The following SNX29 variants were observed in gnomAD, a reference collection of about 807,000 sequenced individuals.
SNX29 encodes sorting nexin-29.
In SNX29, 78 loss-of-function variants were observed where a neutral mutation model predicts 102.1. The ratio of observed to expected loss-of-function variants is 0.76; its 90% CI spans 0.64 to 0.92. SNX29 has a LOEUF of 0.92. Among genes scored for constraint, SNX29 ranks in the 40% least tolerant of loss-of-function variants. SNX29 has a pLI of 0.00. For synonymous variants in SNX29, 580 were observed against 414.5 expected, an observed-to-expected ratio of 1.40 and a Z score of -4.85; for missense variants, 1,280 against 1,061.7, an observed-to-expected ratio of 1.21 and a Z score of -2.86.
intron 11 of SNX29, among the ~76,000 whole-genome samples, chr16:12,094,303 T>A (rs2052681374): frequency 1.3e-5 from 2 of 152,156 alleles, no homozygotes; most frequent in African/African-American, 2.4e-5. Flanking sequence ...CAAGAGAGTA[T>A]CTGGCATCTT....
At chr16:12,200,184 C>T (rs966685043) in intron 14 of SNX29, among the ~76,000 whole-genome samples, 1 of 152,136 alleles carries the variant, frequency 6.6e-6, no homozygotes, top group Non-Finnish European at 1.5e-5. Flanking sequence ...ATGTAGACGT[C>T]TTAGCATAAT....
intron 20 of SNX29, among the ~76,000 whole-genome samples, chr16:12,548,726 C>A (rs149974445): frequency 6.6e-6 from 1 of 152,134 alleles, no homozygotes; most frequent in Non-Finnish European, 1.5e-5. Flanking sequence ...AGGGGTACAT[C>A]CAGGGCTCCA....
chr16:12,463,817 A>AGAGTGTGTGT (rs148125227), intron 18 of SNX29, among the ~76,000 whole-genome samples: 2 of 143,270 alleles, frequency 1.4e-5, no homozygotes, highest in Non-Finnish European at 3.1e-5. Context: ...TCCCGAAGTG[A>AGAGTGTGTGT]GTGTGTGTGT....
chr16:12,197,239 C>G (rs556109630), intron 13 of SNX29, among the ~76,000 whole-genome samples: 1 of 152,188 alleles, frequency 6.6e-6, no homozygotes, highest in East Asian at 1.9e-4. Context: ...GTAGGCTGGG[C>G]TGGGCAATGA....
intron 20 of SNX29, among the ~76,000 whole-genome samples, chr16:12,566,276 A>C (rs35272133): frequency 6.6e-6 from 1 of 152,050 alleles, no homozygotes; most frequent in Non-Finnish European, 1.5e-5. Flanking sequence ...CACTGCCCAC[A>C]GCAGGACTGG....
At chr16:12,085,577 T>G (rs1462881169) in intron 11 of SNX29, among the ~76,000 whole-genome samples, 1 of 152,218 alleles carries the variant, frequency 6.6e-6, no homozygotes, top group Non-Finnish European at 1.5e-5. Flanking sequence ...TCCTCCTGCC[T>G]CGGCCTCCCA....
At chr16:12,473,035 T>C (rs1226298009) in intron 18 of SNX29, among the ~76,000 whole-genome samples, 1 of 152,246 alleles carries the variant, frequency 6.6e-6, no homozygotes, top group Non-Finnish European at 1.5e-5. Context: ...CAAGGAATTA[T>C]TATCTTTATG....
intron 6 of SNX29, among the ~76,000 whole-genome samples, chr16:12,047,680 G>A (rs574191317): frequency 7.1e-5 from 10 of 140,002 alleles, no homozygotes; most frequent in East Asian, 2.1e-4. Context: ...TTTTTGAGAC[G>A]GAGTTTCACT....
At chr16:12,047,640 T>C (rs1415172063) in intron 6 of SNX29, among the ~76,000 whole-genome samples, 2 of 146,074 alleles carry the variant, frequency 1.4e-5, no homozygotes, top group East Asian at 3.9e-4. Flanking sequence ...GCTAAGTTGC[T>C]GGACCAAGGT....
At chr16:12,338,129 T>C (rs187914862) in intron 15 of SNX29, among the ~76,000 whole-genome samples, 1 of 152,322 alleles carries the variant, frequency 6.6e-6, no homozygotes, top group Non-Finnish European at 1.5e-5. Context: ...CAGTGTTTTC[T>C]GGGGCTGAGT....
rs188663397 is a variant in SNX29 at position 12,554,074 on chromosome 16, C to T, written c.2319-14432C>T. ...ATCCTGACCTCAAATGATCCTCTCA[C>T]CTTGGCCTCCCAAAAGCACTTGGGA... On this transcript the variant is annotated intron_variant, in intron 20 of 20. Coordinates refer to ENST00000566228, the MANE Select transcript of SNX29 (RefSeq NM_032167.5). Among the ~76,000 whole-genome samples, 135 of 152,312 alleles carry T rather than the reference C, an allele frequency of 8.9e-4. 1 individual carries two copies. Among genetic ancestry groups the T allele is most frequent in the African/African-American group, 3.1e-3 (130 of 41,578 alleles).
intron 20 of SNX29, among the ~76,000 whole-genome samples, chr16:12,566,224 G>A (rs138930618): frequency 1.3e-5 from 2 of 152,314 alleles, no homozygotes; most frequent in Non-Finnish European, 2.9e-5. Context: ...GCTTATGGTT[G>A]TCATCCCCAA....
chr16:12,523,149 T>C (rs1442620241), intron 19 of SNX29, among the ~76,000 whole-genome samples: 1 of 152,144 alleles, frequency 6.6e-6, no homozygotes, highest in Non-Finnish European at 1.5e-5. Context: ...GGGCACGTGA[T>C]GCTAGGTGGT....
intron 18 of SNX29, among the ~76,000 whole-genome samples, chr16:12,438,914 G>A (rs944736076): frequency 2.6e-5 from 4 of 152,176 alleles, no homozygotes; most frequent in Admixed American, 6.5e-5. Flanking sequence ...CTGCAGAGAG[G>A]GAAACACAGC....
At chr16:12,085,464 T>C (rs1004972017) in intron 11 of SNX29, among the ~76,000 whole-genome samples, 1 of 152,134 alleles carries the variant, frequency 6.6e-6, no homozygotes, top group African/African-American at 2.4e-5. Context: ...GTAGCTGGGA[T>C]TAAAGGCACG....
intron 16 of SNX29, among the ~76,000 whole-genome samples, chr16:12,366,507 C>T (rs1008543977): frequency 1.3e-5 from 2 of 152,112 alleles, no homozygotes; most frequent in Admixed American, 6.6e-5. Context: ...CTGCAGGGCC[C>T]GGAGGAGAGG....
chr16:12,394,493 T>A (rs1269875727), intron 16 of SNX29, among the ~76,000 whole-genome samples: 3 of 152,190 alleles, frequency 2.0e-5, no homozygotes, highest in African/African-American at 7.2e-5. Context: ...AATGGCTTTT[T>A]AAAAAAACTT....
At chr16:12,080,794 C>T (rs1226757042) in intron 11 of SNX29, among the ~76,000 whole-genome samples, 12 of 151,582 alleles carry the variant, frequency 7.9e-5, no homozygotes, top group African/African-American at 2.4e-4. Flanking sequence ...TGGGTTCAAG[C>T]GATTCTCCTG....
chr16:12,294,366 T>G (rs1229530523), intron 15 of SNX29, among the ~76,000 whole-genome samples: 1 of 152,166 alleles, frequency 6.6e-6, no homozygotes, highest in Non-Finnish European at 1.5e-5. Flanking sequence ...GGAACAGCCC[T>G]CAGCCCTGTC....
Sources: allele counts gnomAD v4.1 joint callset (sites outside exome capture counted in the v4.1 genomes callset), GRCh38; gene constraint gnomAD v4.1.1; transcripts MANE v1.5; gene names NCBI Gene and HGNC (gene_info 2026-07-23, HGNC 2026-07-21).